The following RABGAP1L variants were observed in gnomAD, a reference collection of about 807,000 sequenced individuals.
The protein encoded by RABGAP1L is RAB GTPase activating protein 1 like, also known as rab GTPase-activating protein 1-like.
In RABGAP1L, 63 loss-of-function variants were observed where a neutral mutation model predicts 137.7. The ratio of observed to expected loss-of-function variants is 0.46; its 90% CI spans 0.37 to 0.56. The LOEUF (loss-of-function observed/expected upper bound fraction) is 0.56, where lower values mean the gene tolerates loss of function less well. Among genes scored for constraint, RABGAP1L ranks in the 20% least tolerant of loss-of-function variants. The probability of loss-of-function intolerance (pLI) is 0.00; values close to 1 mark genes in which losing one functional copy is unlikely to be tolerated. For missense variants in RABGAP1L, 1,095 were observed against 1,244.0 expected, an observed-to-expected ratio of 0.88 and a Z score of 1.80; for synonymous variants, 431 against 433.7, an observed-to-expected ratio of 0.99 and a Z score of 0.08.
chr1:174,612,267 C>T (rs1011618654), intron 13 of RABGAP1L, among the ~76,000 whole-genome samples: 6 of 152,072 alleles, frequency 3.9e-5, no homozygotes, highest in African/African-American at 7.2e-5. Context: ...TAGCATGAAG[C>T]ATTGTTGAAT....
chr1:174,307,557 T>A (rs1678412376), intron 11 of RABGAP1L, among the ~76,000 whole-genome samples: 2 of 152,186 alleles, frequency 1.3e-5, no homozygotes, highest in African/African-American at 4.8e-5. Context: ...TCATACAAAA[T>A]GTGACTTTTT....
chr1:174,778,679 C>T (rs1430650198), intron 18 of RABGAP1L, among the ~76,000 whole-genome samples: 1 of 152,016 alleles, frequency 6.6e-6, no homozygotes, highest in Non-Finnish European at 1.5e-5. Flanking sequence ...ACTGCAATCT[C>T]CACCTCCTGG....
intron 21 of RABGAP1L, among the ~76,000 whole-genome samples, chr1:174,973,282 A>C (rs1165948557): frequency 6.6e-6 from 1 of 152,214 alleles, no homozygotes; most frequent in Non-Finnish European, 1.5e-5. Flanking sequence ...AAAATGTGCA[A>C]ATAAAAATAA....
intron 13 of RABGAP1L, among the ~76,000 whole-genome samples, chr1:174,474,601 T>G (rs12097374): frequency 0.16 from 24,104 of 150,992 alleles, 4,385 homozygotes; most frequent in African/African-American, 0.45. Flanking sequence ...TGATGATTAT[T>G]ATTATTATTA....
At chr1:174,520,027 A>G (rs543606749) in intron 13 of RABGAP1L, among the ~76,000 whole-genome samples, 30 of 152,246 alleles carry the variant, frequency 2.0e-4, no homozygotes, top group Non-Finnish European at 1.3e-4. Flanking sequence ...GCCTGGCACC[A>G]GCGAAGTATG....
chr1:174,513,466 T>C (rs533378212), intron 13 of RABGAP1L, among the ~76,000 whole-genome samples: 1 of 151,710 alleles, frequency 6.6e-6, no homozygotes, highest in African/African-American at 2.4e-5. Flanking sequence ...TAAAAAAAAA[T>C]AGCCAGGCTT....
chr1:174,269,013 G>C (rs2148653846), intron 7 of RABGAP1L, among the ~76,000 whole-genome samples: 2 of 151,854 alleles, frequency 1.3e-5, no homozygotes, highest in East Asian at 3.9e-4. Context: ...CACAAGCTTC[G>C]GCTCACACAA....
At chr1:174,444,650 T>A (rs903532778) in intron 13 of RABGAP1L, among the ~76,000 whole-genome samples, 1 of 152,150 alleles carries the variant, frequency 6.6e-6, no homozygotes, top group Non-Finnish European at 1.5e-5. Context: ...ATTTTCTATT[T>A]CTTCATGGTT....
intron 13 of RABGAP1L, among the ~76,000 whole-genome samples, chr1:174,559,122 C>T (rs1039676394): frequency 6.6e-6 from 1 of 152,134 alleles, no homozygotes; most frequent in Non-Finnish European, 1.5e-5. Context: ...CTTAAGTATT[C>T]ACTGAAATGT....
At chr1:174,931,356 A>G (rs1226078088) in intron 19 of RABGAP1L, among the ~76,000 whole-genome samples, 1 of 152,148 alleles carries the variant, frequency 6.6e-6, no homozygotes, top group Non-Finnish European at 1.5e-5. Flanking sequence ...TGAATAAGGG[A>G]AGTCATTCCT....
chr1:174,469,128 G>A (rs936561963), intron 13 of RABGAP1L, among the ~76,000 whole-genome samples: 5 of 152,106 alleles, frequency 3.3e-5, no homozygotes, highest in Non-Finnish European at 7.4e-5. Context: ...GAAAAGTGCA[G>A]CTGTTACTGT....
intron 11 of RABGAP1L, among the ~76,000 whole-genome samples, chr1:174,360,205 G>A (rs531239504): frequency 4.3e-4 from 65 of 151,184 alleles, no homozygotes; most frequent in Admixed American, 9.2e-4. Context: ...ATAGTAATAG[G>A]TTTTTGTTTC....
At chr1:174,959,189 A>T (rs918715929) in intron 20 of RABGAP1L, among the ~76,000 whole-genome samples, 1 of 152,198 alleles carries the variant, frequency 6.6e-6, no homozygotes, top group Non-Finnish European at 1.5e-5. Flanking sequence ...AATTTTCACC[A>T]CCAACATCCC....
chr1:174,543,874 G>T (rs1665730712), intron 13 of RABGAP1L, among the ~76,000 whole-genome samples: 1 of 152,190 alleles, frequency 6.6e-6, no homozygotes, highest in African/African-American at 2.4e-5. Flanking sequence ...GGCTGAATAT[G>T]AAATTCTGGG....
chr1:174,612,997 C>A (rs1671414735), intron 13 of RABGAP1L, among the ~76,000 whole-genome samples: 1 of 151,446 alleles, frequency 6.6e-6, no homozygotes, highest in Admixed American at 6.6e-5. Context: ...TTGATCCTTT[C>A]AAAAAACCAG....
chr1:174,565,120 A>T (rs1667483343), intron 13 of RABGAP1L, among the ~76,000 whole-genome samples: 1 of 152,180 alleles, frequency 6.6e-6, no homozygotes, highest in Non-Finnish European at 1.5e-5. Flanking sequence ...TCGTGGTTTA[A>T]TAGATTGGAA....
chr1:174,174,386 A>G (rs1382727097), intron 1 of RABGAP1L, among the ~76,000 whole-genome samples: 2 of 152,214 alleles, frequency 1.3e-5, no homozygotes, highest in East Asian at 3.8e-4. Flanking sequence ...TGTCCTGTAT[A>G]GTATATATAT....
chr1:174,561,656 CA>C (rs1346135012), intron 13 of RABGAP1L, among the ~76,000 whole-genome samples: 2 of 152,142 alleles, frequency 1.3e-5, no homozygotes, highest in Non-Finnish European at 2.9e-5. Flanking sequence ...GGTACCAAAA[CA>C]GATACATAGA....
At chr1:174,913,568 G>C (rs1660385150) in intron 19 of RABGAP1L, among the ~76,000 whole-genome samples, 2 of 152,158 alleles carry the variant, frequency 1.3e-5, no homozygotes, top group African/African-American at 4.8e-5. Context: ...GCTTGACCCT[G>C]TAACTTCTAT....
Sources: gnomAD v4.1 joint callset for allele counts (sites outside exome capture counted in the v4.1 genomes callset) on GRCh38, gnomAD v4.1.1 for gene constraint, MANE v1.5 for transcripts, NCBI Gene and HGNC (gene_info 2026-07-23, HGNC 2026-07-21) for gene names.